HOXA10: variants seen among roughly 807,000 people sequenced by gnomAD.
HOXA10 encodes homeobox protein Hox-A10.
In HOXA10, 12 loss-of-function variants were observed where a neutral mutation model predicts 29.7. The ratio of observed to expected loss-of-function variants is 0.40; its 90% confidence interval spans 0.26 to 0.65. The LOEUF (loss-of-function observed/expected upper bound fraction) is 0.65. Ranked by LOEUF, HOXA10 falls within the 30% of genes least tolerant of loss-of-function variation. The probability of loss-of-function intolerance (pLI) is 0.37; values close to 1 mark genes in which losing one functional copy is unlikely to be tolerated. For synonymous variants in HOXA10, 327 were observed against 280.7 expected (o/e 1.16, Z -1.65); for missense variants, 656 against 585.9 (o/e 1.12, Z -1.24).
intron 1 of HOXA10, chr7:27,179,566 C>T: frequency 1.3e-6 from 1 of 740,944 alleles, no homozygotes; most frequent in Non-Finnish European, 2.5e-6. Context: ...AGCCACGTTC[C>T]CGAGAGCCCT....
In HOXA10 at chr7:27,171,545, G is replaced by T; in HGVS notation, c.*354C>A. The T allele has an allele frequency of 2.1e-6, 1 of 479,190 alleles. No homozygotes were observed. The highest frequency in any genetic ancestry group is 1.5e-5 in the South Asian group (1 of 64,676). 29.7% of individuals were successfully genotyped at this position (479,190 alleles called of 1,614,324 possible). A position where few individuals can be genotyped will look rare whatever the true frequency, so the allele number is the denominator to read the frequency against. On this transcript the variant is annotated 3_prime_UTR_variant, in exon 2 of 2. Transcript: ENST00000283921. ...TTCCGGCTAGGTTTGCCCCAGGCTGGGCAGGAAACCAGCTCGGCCGAAGAC... is the reference window on the plus strand; with the variant it reads ...TTCCGGCTAGGTTTGCCCCAGGCTGTGCAGGAAACCAGCTCGGCCGAAGAC...
chr7:27,179,601 C>G (rs757446887), intron 1 of HOXA10: 2 of 770,564 alleles, frequency 2.6e-6, no homozygotes, highest in East Asian at 5.0e-5. Flanking sequence ...CACCTCCCCA[C>G]TCCCGCCCCA....
upstream of HOXA10, among the ~76,000 whole-genome samples, chr7:27,176,839 G>C (rs1023487357): frequency 2.0e-5 from 3 of 152,248 alleles, no homozygotes; most frequent in Admixed American, 2.0e-4. Flanking sequence ...GGACCCTTCT[G>C]GAAAATCCAA....
Position 27,171,524 on chromosome 7 carries a change from G to A in HOXA10, c.*375C>T, listed in dbSNP as rs1214172500. ...GCCAACAATGGGACCTCGGCCTTCC[G>A]GCTAGGTTTGCCCCAGGCTGGGCAG... On this transcript the variant is annotated 3_prime_UTR_variant, in exon 2 of 2. Coordinates refer to ENST00000283921, the MANE Select transcript of HOXA10 (RefSeq NM_018951.4). 2.1e-6 allele frequency: 1 copy of A among 470,524 alleles called. No individual in the cohort carries two copies. The highest frequency in any genetic ancestry group is 4.2e-6 in the Non-Finnish European group (1 of 237,870). 29.1% of individuals were successfully genotyped at this position (470,524 alleles called of 1,614,324 possible).
At chr7:27,177,520 C>A (rs139065674), upstream of HOXA10, among the ~76,000 whole-genome samples, 1 of 152,142 alleles carries the variant, frequency 6.6e-6, no homozygotes, top group Non-Finnish European at 1.5e-5. Flanking sequence ...TCAAGTTAAA[C>A]GCCTCCTTGG....
intron 1 of HOXA10, chr7:27,179,599 C>T (rs751678373): frequency 2.6e-6 from 2 of 769,468 alleles, no homozygotes; most frequent in Non-Finnish European, 4.8e-6. Context: ...GCCACCTCCC[C>T]ACTCCCGCCC....
At position 27,174,037 on chromosome 7, in the gene HOXA10, C is replaced by T. The variant is rs1783591112; in HGVS notation, c.270G>A (p.Glu90=). Residue 90 remains glutamate, a synonymous_variant, in exon 1 of 2, where the codon GAG becomes GAA. Transcript: ENST00000283921. ...CGCCACCGCTGCCCGGCGACGCTGC[C>T]TCATTGCGCTTGCCGCCCAGCGTGG... ...LFPTLGGKRN[E]AASPGSGGGG... is the part of the protein sequence containing the mutation. The T allele has an allele frequency of 7.2e-6, 11 of 1,537,652 alleles. No homozygotes were observed. Among genetic ancestry groups the T allele is most frequent in the South Asian group, 1.2e-5 (1 of 84,942 alleles).
chr7:27,174,414 T>C, upstream of HOXA10: 4 of 1,536,576 alleles, frequency 2.6e-6, no homozygotes, highest in Non-Finnish European at 3.5e-6. Context: ...CCAGTTTGGT[T>C]TCGTAGGCGC....
Position 27,174,167 on chromosome 7 carries a change from C to G in HOXA10, c.140G>C (p.Gly47Ala). The G allele has an allele frequency of 6.9e-6, 11 of 1,596,980 alleles. No homozygotes were observed. The highest frequency in any genetic ancestry group is 9.3e-6 in the Non-Finnish European group (11 of 1,179,258). The change falls in exon 1 of 2, where the codon GGT (glycine) becomes GCT (alanine). Residue 47 changes from glycine (G) to alanine (A), a missense_variant. Around this residue, in one of 2 missense-constraint regions of HOXA10, gnomAD observed 594 missense variants for 491.9 expected, o/e 1.21. Coordinates refer to ENST00000283921, the MANE Select transcript of HOXA10 (RefSeq NM_018951.4). ...SGRGEAGGGG[G>A]GAGGGGGGGY... ...GCCACCGCCGCCGCCCCCCGCGCCA[C>G]CACCACCGCCGCCTGCCTCGCCTCT...
Position 27,170,926 on chromosome 7 carries a change from C to A in HOXA10, c.*973G>T, listed in dbSNP as rs1254276539. ...AGTTTATTCCGCTTACCCCAGTCCTCCTAGGCTTCTGTGAATTTCAGAAAG... is the reference window on the plus strand; with the variant it reads ...AGTTTATTCCGCTTACCCCAGTCCTACTAGGCTTCTGTGAATTTCAGAAAG... On this transcript the variant is annotated 3_prime_UTR_variant, in exon 2 of 2. Coordinates refer to ENST00000283921, the MANE Select transcript of HOXA10 (RefSeq NM_018951.4). 6.6e-6 allele frequency: 3 copies of A among 454,300 alleles called. No homozygotes were observed. Among genetic ancestry groups the A allele is most frequent in the Non-Finnish European group, 1.3e-5 (3 of 226,774 alleles). The allele number at this position is 454,300 out of a possible 1,614,324, so 28.1% of individuals were successfully genotyped here. A position where few individuals can be genotyped will look rare whatever the true frequency, so the allele number is the denominator to read the frequency against.
Position 27,172,176 on chromosome 7 carries a change from G to T in HOXA10, c.959-3C>A. The T allele has an allele frequency of 6.2e-7, 1 of 1,613,694 alleles. No individual in the cohort carries two copies. Among genetic ancestry groups the T allele is most frequent in the Non-Finnish European group, 8.5e-7 (1 of 1,180,010 alleles). On this transcript the variant is annotated splice_region_variant and splice_polypyrimidine_tract_variant and intron_variant, in intron 1 of 1. Transcript: ENST00000283921. The stretch of plus-strand genomic sequence containing the variant: ...TGCGTTTTCACCTTTGGAATTGCCT[G>T]GCATGTAAGAGAATAAAGAGGGGAT...
rs932446610 is a variant in HOXA10 at position 27,173,992 on chromosome 7, G to T, written c.315C>A (p.Pro105=). The T allele has an allele frequency of 6.5e-7, 1 of 1,527,796 alleles. No individual in the cohort carries two copies. The allele number at this position is 1,527,796 out of a possible 1,614,324, so 94.6% of individuals were successfully genotyped here. ...GCGAGGGCCCGTAGCCGTGCGCCCC[G>T]GGACCTAGACCCCCGCCACCGCCAC... ...GSGGGGGGLG[P]GAHGYGPSPI... is the part of the protein sequence containing the mutation. The change falls in exon 1 of 2, where the codon CCC becomes CCA. Residue 105 remains proline, a synonymous_variant. Coordinates refer to ENST00000283921, the MANE Select transcript of HOXA10 (RefSeq NM_018951.4).
rs147419246 is a variant in HOXA10, at chr7:27,172,229, C to T, written c.959-56G>A. ...TTAAGTCGAGGCCACACGGGCTGCCCGCGGGGGTGAATTGCCTCCGTTTCT... is the reference window on the plus strand; with the variant it reads ...TTAAGTCGAGGCCACACGGGCTGCCTGCGGGGGTGAATTGCCTCCGTTTCT... On this transcript the variant is annotated intron_variant, in intron 1 of 1. Transcript: ENST00000283921. 14 of 1,569,816 alleles carry T rather than the reference C, an allele frequency of 8.9e-6. No homozygotes were observed. In the African/African-American group the frequency reaches 9.4e-5, roughly 11 times the overall value.
In HOXA10 at chr7:27,171,311, A is replaced by G. The variant is rs1409642004; in HGVS notation, c.*588T>C. Reference sequence around the variant, plus strand: ...TCTTTCTCACTTTTTAAATCAGCCAAAGTCAAGCCCGTTTGCCAACCTGCA... The same window carrying G: ...TCTTTCTCACTTTTTAAATCAGCCAGAGTCAAGCCCGTTTGCCAACCTGCA... On this transcript the variant is annotated 3_prime_UTR_variant, in exon 2 of 2. Transcript: ENST00000283921. 4 of 454,278 alleles carry G rather than the reference A, an allele frequency of 8.8e-6. No homozygotes were observed. Among genetic ancestry groups the G allele is most frequent in the East Asian group, 6.9e-5 (1 of 14,398 alleles). The allele number at this position is 454,278 out of a possible 1,614,324, so 28.1% of individuals were successfully genotyped here. A position where few individuals can be genotyped will look rare whatever the true frequency, so the allele number is the denominator to read the frequency against.
chr7:27,172,982 C>T (rs773531459), intron 1 of HOXA10: 54 of 307,954 alleles, frequency 1.8e-4, no homozygotes, highest in Non-Finnish European at 3.0e-4. Flanking sequence ...GGGCGAGCTA[C>T]TTTCCCTCCC....
At chr7:27,179,142 G>A (rs1464391441), upstream of HOXA10, among the ~76,000 whole-genome samples, 1 of 152,124 alleles carries the variant, frequency 6.6e-6, no homozygotes, top group Non-Finnish European at 1.5e-5. Context: ...GCCTTTTTCG[G>A]AACAAAGGTT....
Position 27,173,670 on chromosome 7 carries a change from A to G in HOXA10, c.637T>C (p.Tyr213His). ...GTSSGVPVPG[Y>H]FRLSQAYGTA... is the part of the protein sequence containing the mutation. ...CCGTAGGCCTGAGAAAGGCGGAAGTAGCCAGGCACTGGCACCCCGCTGGAG... is the reference window on the plus strand; with the variant it reads ...CCGTAGGCCTGAGAAAGGCGGAAGTGGCCAGGCACTGGCACCCCGCTGGAG... Residue 213 changes from tyrosine (Y) to histidine (H), a missense_variant, in exon 1 of 2, where the codon TAC becomes CAC. Tyr to His is a moderately conservative substitution (Grantham distance 83). Transcript: ENST00000283921. 1 of 1,552,532 alleles carries G rather than the reference A, an allele frequency of 6.4e-7. No individual in the cohort carries two copies. Among genetic ancestry groups the G allele is most frequent in the Non-Finnish European group, 8.7e-7 (1 of 1,148,486 alleles).
In HOXA10 at chr7:27,173,840, G is replaced by A. The variant is rs749948293; in HGVS notation, c.467C>T (p.Ser156Leu). The change falls in exon 1 of 2, where the codon TCG (serine) becomes TTG (leucine). Residue 156 changes from serine (S) to leucine (L), a missense_variant. By Grantham distance (145) the Ser-to-Leu change is moderately radical. Coordinates refer to ENST00000283921, the MANE Select transcript of HOXA10 (RefSeq NM_018951.4). ...QPPQPAPQAT[S>L]CSFAQNIKEE... is the part of the protein sequence containing the mutation. Reference sequence around the variant, plus strand: ...TTTGATGTTCTGCGCGAAAGAGCACGAGGTGGCCTGCGGCGCTGGCTGGGG... The same window carrying A: ...TTTGATGTTCTGCGCGAAAGAGCACAAGGTGGCCTGCGGCGCTGGCTGGGG... 2 of 1,609,992 alleles carry A rather than the reference G, an allele frequency of 1.2e-6. No individual in the cohort carries two copies. Among genetic ancestry groups the A allele is most frequent in the South Asian group, 1.1e-5 (1 of 90,596 alleles).
exon 1 of HOXA10, chr7:27,179,822 C>T (rs1359122968): frequency 2.9e-6 from 2 of 699,758 alleles, no homozygotes; most frequent in Admixed American, 4.0e-5. Context: ...TACCGTGCTG[C>T]TCTTAGTATC....
Sources: allele counts gnomAD v4.1 joint callset (sites outside exome capture counted in the v4.1 genomes callset), GRCh38; gene constraint gnomAD v4.1.1; regional missense constraint gnomAD v4.1.1; transcripts MANE v1.5; gene names NCBI Gene and HGNC (gene_info 2026-07-23, HGNC 2026-07-21).